PDE8B: variants seen among roughly 807,000 people sequenced by gnomAD.
PDE8B encodes phosphodiesterase 8B.
A neutral mutation model predicts 101.3 loss-of-function variants in PDE8B; 26 were observed. That is an observed-to-expected ratio of 0.26 (90% CI 0.19 to 0.36). PDE8B has a LOEUF of 0.36. Ranked by LOEUF, PDE8B falls within the 10% of genes least tolerant of loss-of-function variation. The pLI is 1.00. For synonymous variants in PDE8B, 424 were observed against 429.3 expected (o/e 0.99, Z 0.15); for missense variants, 810 against 1,163.1 (o/e 0.70, Z 4.42).
At chr5:77,088,665 A>G in the PDE8B span, 1 of 152,166 alleles carries the variant, frequency 6.6e-6, no homozygotes, top group Non-Finnish European at 1.5e-5. Context: ...TCCACCCAAT[A>G]TTCCTTCTCT....
intron 12 of PDE8B, among the ~76,000 whole-genome samples, chr5:77,405,402 C>T (rs1387520925): frequency 6.6e-6 from 1 of 152,126 alleles, no homozygotes; most frequent in African/African-American, 2.4e-5. Context: ...GAAATGGAAA[C>T]GTCTCCAGGT....
At chr5:77,257,654 T>A (rs765059728) in intron 1 of PDE8B, among the ~76,000 whole-genome samples, 17 of 152,306 alleles carry the variant, frequency 1.1e-4, no homozygotes, top group African/African-American at 3.9e-4. Context: ...TTTTCTTTTT[T>A]AAAAAATTTA....
Position 77,211,825 on chromosome 5 carries a change from C to G in PDE8B, c.339+561C>G, listed in dbSNP as rs914887219. Among the ~76,000 whole-genome samples the G allele has an allele frequency of 6.6e-6, 1 of 152,236 alleles. No individual in the cohort carries two copies. The highest frequency in any genetic ancestry group is 1.9e-4 in the East Asian group (1 of 5,180). Reference sequence around the variant, plus strand: ...TGTTTTAAGAGATGTGGGAACGGAGCAGAGTGGAACCTGTTGTTTGTCACT... The same window carrying G: ...TGTTTTAAGAGATGTGGGAACGGAGGAGAGTGGAACCTGTTGTTTGTCACT... On this transcript the variant is annotated intron_variant, in intron 1 of 21. Coordinates refer to ENST00000264917, the MANE Select transcript of PDE8B (RefSeq NM_003719.5). The surrounding 1 kb of genome is among the most constrained non-coding windows in gnomAD (Gnocchi z 4.1).
the PDE8B span, among the ~76,000 whole-genome samples, chr5:77,120,105 G>A: frequency 6.6e-6 from 1 of 152,112 alleles, no homozygotes; most frequent in African/African-American, 2.4e-5. Context: ...GCCATAAAAA[G>A]GAATAGAGTA....
intron 5 of PDE8B, 121 bp from the exon 6 acceptor site, chr5:77,337,106 C>A: frequency 1.5e-6 from 1 of 680,032 alleles, no homozygotes; most frequent in Non-Finnish European, 2.7e-6. Context: ...TCTCATCTTA[C>A]CTACTAATTG....
Position 77,234,502 on chromosome 5 carries a change from A to G in PDE8B, c.339+23238A>G, listed in dbSNP as rs115613932. 7.6e-3 allele frequency among the ~76,000 whole-genome samples: 1,163 copies of G among 152,270 alleles called. 13 individuals are homozygous for G. The highest frequency in any genetic ancestry group is 0.026 in the African/African-American group (1,089 of 41,530). On this transcript the variant is annotated intron_variant, in intron 1 of 21. Transcript: ENST00000264917. The stretch of plus-strand genomic sequence containing the variant: ...AGAGCAGAGGTGAGTCAAGACTCGC[A>G]TGTTCAAGAGGACTTTACCGAACCT...
intron 10 of PDE8B, among the ~76,000 whole-genome samples, chr5:77,365,775 A>G (rs922499300): frequency 6.6e-6 from 1 of 152,178 alleles, no homozygotes; most frequent in South Asian, 2.1e-4. Flanking sequence ...CTCTGGACTC[A>G]GAGAGCACTG....
At chr5:77,361,601 G>A (rs558139709) in intron 10 of PDE8B, among the ~76,000 whole-genome samples, 83 of 150,122 alleles carry the variant, frequency 5.5e-4, no homozygotes, top group African/African-American at 1.9e-3. Context: ...TGCAAGCTCC[G>A]CCTCCCAGGT....
At chr5:77,385,271 A>G (rs1352755395) in intron 10 of PDE8B, among the ~76,000 whole-genome samples, 3 of 152,088 alleles carry the variant, frequency 2.0e-5, no homozygotes, top group Non-Finnish European at 4.4e-5. Context: ...AGAGGTATTT[A>G]TAATATTCTC....
At chr5:77,263,289 C>T (rs1761008971) in intron 1 of PDE8B, among the ~76,000 whole-genome samples, 1 of 152,166 alleles carries the variant, frequency 6.6e-6, no homozygotes, top group Non-Finnish European at 1.5e-5. Flanking sequence ...AACTTTTATT[C>T]CAATGCTGAT....
At chr5:77,415,419 A>C (rs1795334656) in intron 17 of PDE8B, among the ~76,000 whole-genome samples, 1 of 132,276 alleles carries the variant, frequency 7.6e-6, no homozygotes, top group South Asian at 2.3e-4. Flanking sequence ...GTGCAATGGC[A>C]TGATCTTGGC....
At chr5:77,166,187 G>C in the PDE8B span, among the ~76,000 whole-genome samples, 1 of 118,936 alleles carries the variant, frequency 8.4e-6, no homozygotes, top group Non-Finnish European at 1.7e-5. Context: ...CATAGTTCTT[G>C]AAGAACAACA....
the PDE8B span, chr5:77,147,077 T>C: frequency 2.5e-6 from 1 of 395,618 alleles, no homozygotes; most frequent in South Asian, 2.2e-5. Context: ...GAAAGCCTGA[T>C]GCAGCAAAAA....
rs72766961 is a variant in PDE8B, at chr5:77,351,529, C to T, written c.1106+376C>T. Among the ~76,000 whole-genome samples the T allele has an allele frequency of 4.1e-3, 621 of 152,258 alleles. 4 individuals carry two copies. The highest frequency in any genetic ancestry group is 0.01 in the Middle Eastern group (3 of 294). The stretch of plus-strand genomic sequence containing the variant: ...AACCTTTTCTCCTGCTTGAGGCCCT[C>T]GCTCCATGCTGGTTCCTCCAGGCCG... On this transcript the variant is annotated intron_variant, in intron 9 of 21. Coordinates refer to ENST00000264917, the MANE Select transcript of PDE8B (RefSeq NM_003719.5).
At chr5:77,340,263 AT>A (rs1187639652) in intron 6 of PDE8B, among the ~76,000 whole-genome samples, 1 of 152,184 alleles carries the variant, frequency 6.6e-6, no homozygotes, top group Non-Finnish European at 1.5e-5. Flanking sequence ...AAGAATCAAA[AT>A]TTTTGGTGGG....
intron 1 of PDE8B, among the ~76,000 whole-genome samples, chr5:77,267,996 A>G (rs1762083569): frequency 6.6e-6 from 1 of 152,006 alleles, no homozygotes; most frequent in Non-Finnish European, 1.5e-5. Context: ...TTGCATTTTC[A>G]TGTTGAAAAT....
chr5:77,262,236 G>T, intron 1 of PDE8B, among the ~76,000 whole-genome samples: 1 of 151,966 alleles, frequency 6.6e-6, no homozygotes, highest in Non-Finnish European at 1.5e-5. Flanking sequence ...AGAGAAGCAG[G>T]GGACAGACTG....
At chr5:77,192,182 A>G in the PDE8B span, among the ~76,000 whole-genome samples, 1 of 152,208 alleles carries the variant, frequency 6.6e-6, no homozygotes, top group Non-Finnish European at 1.5e-5. Context: ...TCCATGGCCC[A>G]GGGGTTGGGG....
chr5:77,373,602 C>A (rs1000298579), intron 10 of PDE8B, among the ~76,000 whole-genome samples: 3 of 152,032 alleles, frequency 2.0e-5, no homozygotes, highest in Non-Finnish European at 4.4e-5. Context: ...GTGTATACTC[C>A]TTTTTGTGAC....
Sources: gnomAD v4.1 joint callset for allele counts (sites outside exome capture counted in the v4.1 genomes callset) on GRCh38, gnomAD v4.1.1 for gene constraint, Gnocchi (gnomAD v3.1) non-coding constraint, MANE v1.5 for transcripts, NCBI Gene and HGNC (gene_info 2026-07-23, HGNC 2026-07-21) for gene names.